Variants in ACSM4 observed in about 807,000 individuals in gnomAD.
The protein encoded by ACSM4 is acyl-coenzyme A synthetase ACSM4, mitochondrial.
ACSM4 carries 66 observed loss-of-function variants against 73.0 expected under a neutral mutation model. The observed-to-expected ratio is 0.90, with a 90% confidence interval of 0.74 to 1.11. ACSM4 has a LOEUF of 1.11. Ranked by LOEUF, ACSM4 falls within the 50% of genes least tolerant of loss-of-function variation. ACSM4 has a pLI of 0.00. For synonymous variants in ACSM4, 222 were observed against 254.0 expected (o/e 0.87, Z 1.20); for missense variants, 645 against 714.4 (o/e 0.90, Z 1.11).
In ACSM4 at chr12:7,316,392, G is replaced by A. The variant is rs79828465; in HGVS notation, c.621-745G>A. On this transcript the variant is annotated intron_variant, in intron 3 of 12. Transcript: ENST00000399422. ...CCATAAAACAGGATGGGCAGGGGAA[G>A]AAGGCTGCATCTCTTCCTCATGACT... Among the ~76,000 whole-genome samples the A allele has an allele frequency of 3.6e-3, 546 of 152,286 alleles. 3 individuals carry two copies. The highest frequency in any genetic ancestry group is 0.013 in the African/African-American group (532 of 41,560).
rs1242083076 is a variant in ACSM4 at position 7,317,277 on chromosome 12, G to C, written c.761G>C (p.Gly254Ala). 3.2e-6 allele frequency: 5 copies of C among 1,554,624 alleles called. No individual in the cohort carries two copies. The highest frequency in any genetic ancestry group is 8.7e-7 in the Non-Finnish European group (1 of 1,150,216). Residue 254 changes from glycine to alanine, a missense_variant, in exon 4 of 13, where the codon GGA becomes GCA. Transcript: ENST00000399422. ...CTCGGCATTGGGTTCACCCTCTGCG[G>C]AAGGTAGGGAAGAAAATTCAGTTTG... ...SSLGIGFTLCGRYWLDLKSSD... is the reference protein window; with the variant it reads ...SSLGIGFTLCARYWLDLKSSD...
chr12:7,317,469 C>T (rs1214082146), intron 4 of ACSM4, among the ~76,000 whole-genome samples, 189 bp downstream of exon 4: 1 of 152,196 alleles, frequency 6.6e-6, no homozygotes, highest in East Asian at 1.9e-4. Context: ...GCTGATTAAG[C>T]AAAAGCTTAA....
In ACSM4 at chr12:7,310,642, CCCA is replaced by C. The variant is rs777192548; in HGVS notation, c.517_519del (p.Pro173del). On this transcript the variant is annotated inframe_deletion, in exon 3 of 13. Transcript: ENST00000399422. ...GCATTGTGGCCAGTGAGGAGGTGGCCCCAGCGGTGGAGTCCATTGTATTGGAGT... is the reference window on the plus strand; with the variant it reads ...GCATTGTGGCCAGTGAGGAGGTGGCCGCGGTGGAGTCCATTGTATTGGAGT... 3 of 1,613,140 alleles carry C rather than the reference CCCA, an allele frequency of 1.9e-6. No homozygotes were observed. The East Asian group carries it at 6.7e-5, about 36-fold the overall frequency.
intron 7 of ACSM4, 84 bp downstream of exon 7, chr12:7,322,625 A>G (rs1407542200): frequency 3.1e-5 from 46 of 1,482,554 alleles, no homozygotes; most frequent in Non-Finnish European, 4.0e-5. Flanking sequence ...AAGTGCCCCC[A>G]TCCCACTGTA....
chr12:7,327,100 G>C lies in ACSM4; in HGVS notation c.1656+5G>C. The C allele has an allele frequency of 6.3e-7, 1 of 1,594,956 alleles. No individual in the cohort carries two copies. The highest frequency in any genetic ancestry group is 8.5e-7 in the Non-Finnish European group (1 of 1,170,976). On this transcript the variant is annotated splice_donor_5th_base_variant and intron_variant, in intron 12 of 12. Coordinates refer to ENST00000399422, the MANE Select transcript of ACSM4 (RefSeq NM_001080454.2). ...CCTTACAAATATCCAAGAAAGGCAA[G>C]TGCTTTGCCCAAAAGTTAAGTTTGG...
At position 7,328,268 on chromosome 12, in the gene ACSM4, G is replaced by A. The variant is rs1349073243; in HGVS notation, c.1657-19G>A. ...AGGATGGAATCAAGTGTCTCATCAC[G>A]TTTTTTTCTGTCAATTAGGTGGAAT... On this transcript the variant is annotated intron_variant, in intron 12 of 12. Coordinates refer to ENST00000399422, the MANE Select transcript of ACSM4 (RefSeq NM_001080454.2). 4.5e-6 allele frequency: 7 copies of A among 1,552,994 alleles called. No individual in the cohort carries two copies. The highest frequency in any genetic ancestry group is 2.7e-5 in the African/African-American group (2 of 73,392).
rs7968312 is a variant in ACSM4 at position 7,317,938 on chromosome 12, A to C, written c.765-88A>C. 5.1e-5 allele frequency: 73 copies of C among 1,423,812 alleles called. 1 individual carries two copies. The Middle Eastern group carries it at 9.9e-4, about 19-fold the overall frequency. 88.2% of individuals were successfully genotyped at this position (1,423,812 alleles called of 1,614,324 possible). A position where few individuals can be genotyped will look rare whatever the true frequency, so the allele number is the denominator to read the frequency against. ...CCCTTCTCTGTAGCCCTTAAGATAT[A>C]GGGGCAAAGTCACCCCTGAAAGATA... On this transcript the variant is annotated intron_variant, in intron 4 of 12. Transcript: ENST00000399422.
intron 9 of ACSM4, 111 bp from the exon 10 acceptor site, chr12:7,324,162 A>C: frequency 7.3e-7 from 1 of 1,377,396 alleles, no homozygotes; most frequent in Non-Finnish European, 9.7e-7. Flanking sequence ...TCTCAAAAAA[A>C]AAAAAATTTC....
rs768723741 is a variant in ACSM4 at position 7,320,771 on chromosome 12, T to C, written c.968T>C (p.Val323Ala). The change falls in exon 6 of 13, where the codon GTG (valine) becomes GCG (alanine). Residue 323 changes from valine (V) to alanine (A), a missense_variant. Val to Ala is a moderately conservative substitution (Grantham distance 64). Coordinates refer to ENST00000399422, the MANE Select transcript of ACSM4 (RefSeq NM_001080454.2). ...ACGACCCTGTGCAGTCCTCCCACTGTGTACCGGATGCTCGTGCAAAAAGAC... is the reference window on the plus strand; with the variant it reads ...ACGACCCTGTGCAGTCCTCCCACTGCGTACCGGATGCTCGTGCAAAAAGAC... ...PITTLCSPPT[V>A]YRMLVQKDLK... is the part of the protein sequence containing the mutation. 5 of 1,613,782 alleles carry C rather than the reference T, an allele frequency of 3.1e-6. No individual in the cohort carries two copies. In the South Asian group the frequency reaches 5.5e-5, roughly 18 times the overall value.
chr12:7,320,224 A>AT (rs145345391), intron 5 of ACSM4, among the ~76,000 whole-genome samples: 9,311 of 152,254 alleles, frequency 0.061, 384 homozygotes, highest in East Asian at 0.16. Context: ...AACTCAGCAA[A>AT]TTTTTAAAAA....
intron 3 of ACSM4, among the ~76,000 whole-genome samples, chr12:7,311,899 A>T (rs1344190868): frequency 6.6e-6 from 1 of 152,148 alleles, no homozygotes; most frequent in East Asian, 1.9e-4. Flanking sequence ...CATGTTGGTT[A>T]GACTGGTCTC....
In ACSM4 at chr12:7,328,436, A is replaced by C; in HGVS notation, c.*63A>C. On this transcript the variant is annotated 3_prime_UTR_variant, in exon 13 of 13. Coordinates refer to ENST00000399422, the MANE Select transcript of ACSM4 (RefSeq NM_001080454.2). ...TTGCTTTCTTTTAGTATTTGTTCCG[A>C]TAATTCAGCGACTACTCTCTTAAAA... is the stretch of plus-strand genomic sequence containing the variant. 8.1e-7 allele frequency: 1 copy of C among 1,239,466 alleles called. No individual in the cohort carries two copies. 76.8% of individuals were successfully genotyped at this position (1,239,466 alleles called of 1,614,324 possible). A position where few individuals can be genotyped will look rare whatever the true frequency, so the allele number is the denominator to read the frequency against.
chr12:7,327,059 G>GA lies in ACSM4; in HGVS notation c.1626dup (p.Ser543IlefsTer41), dbSNP rs760380767. ...TAACTCTTGAACTTCAGGATCATGT[G>GA]AAAAAATCAACTGCACCTTACAAAT... On this transcript the variant is annotated frameshift_variant, in exon 12 of 13. Coordinates refer to ENST00000399422, the MANE Select transcript of ACSM4 (RefSeq NM_001080454.2). LOFTEE classifies it high-confidence loss of function. 1.2e-6 allele frequency: 2 copies of GA among 1,610,976 alleles called. No homozygotes were observed. Among genetic ancestry groups the GA allele is most frequent in the South Asian group, 1.1e-5 (1 of 90,134 alleles).
chr12:7,304,261 C>T lies in ACSM4; in HGVS notation c.-71C>T. 2 of 1,478,328 alleles carry T rather than the reference C, an allele frequency of 1.4e-6. No homozygotes were observed. The highest frequency in any genetic ancestry group is 1.9e-6 in the Non-Finnish European group (2 of 1,063,810). The allele number at this position is 1,478,328 out of a possible 1,614,324, so 91.6% of individuals were successfully genotyped here. On this transcript the variant is annotated 5_prime_UTR_variant, in exon 1 of 13. Coordinates refer to ENST00000399422, the MANE Select transcript of ACSM4 (RefSeq NM_001080454.2). ...CACAGAGCATCAAGAAACTGATACT[C>T]TCTATCCATCTCTCCCTACAGGCTG...
rs1406851392 is a variant in ACSM4, at chr12:7,323,495, AAAG to A, written c.1247_1249del (p.Glu416del). On this transcript the variant is annotated inframe_deletion, in exon 9 of 13. Coordinates refer to ENST00000399422, the MANE Select transcript of ACSM4 (RefSeq NM_001080454.2). ...AAATGGCAATGTTCTACCACCTGGC[AAAG>A]AAGGGGAAATTGCCCTCAGACTCAA... 6.2e-7 allele frequency: 1 copy of A among 1,613,972 alleles called. No individual in the cohort carries two copies. The highest frequency in any genetic ancestry group is 8.5e-7 in the Non-Finnish European group (1 of 1,179,854).
intron 3 of ACSM4, among the ~76,000 whole-genome samples, chr12:7,314,497 A>G (rs1322351790): frequency 6.6e-6 from 1 of 152,180 alleles, no homozygotes. Flanking sequence ...TTTTTCTTTT[A>G]GATAGACAGA....
intron 2 of ACSM4, among the ~76,000 whole-genome samples, chr12:7,309,466 C>T (rs1037243092): frequency 6.6e-6 from 1 of 152,152 alleles, no homozygotes; most frequent in African/African-American, 2.4e-5. Context: ...GCTTCTACTG[C>T]ACTAATACAG....
chr12:7,307,445 T>G (rs1412212256), intron 2 of ACSM4, among the ~76,000 whole-genome samples: 1 of 152,198 alleles, frequency 6.6e-6, no homozygotes, highest in African/African-American at 2.4e-5. Flanking sequence ...ATAACTTCTC[T>G]GAATATATTT....
intron 5 of ACSM4, 64 bp from the exon 6 acceptor site, chr12:7,320,661 A>G (rs1318124330): frequency 3.7e-6 from 5 of 1,340,982 alleles, no homozygotes; most frequent in Non-Finnish European, 2.1e-6. Context: ...GGGTGTAGAT[A>G]TCAGCTCTAG....
Sources: allele counts gnomAD v4.1 joint callset (sites outside exome capture counted in the v4.1 genomes callset), GRCh38; gene constraint gnomAD v4.1.1; transcripts MANE v1.5; gene names NCBI Gene and HGNC (gene_info 2026-07-23, HGNC 2026-07-21).